Variants in BLTP1 observed in about 807,000 individuals in gnomAD.
BLTP1 encodes the protein bridge-like lipid transfer protein family member 1.
At chr4:122,212,416 A>G in the BLTP1 span, among the ~76,000 whole-genome samples, 3 of 152,186 alleles carry the variant, frequency 2.0e-5, no homozygotes, top group African/African-American at 7.2e-5. Flanking sequence ...GTGAATAACT[A>G]TAAAGGATTT....
chr4:122,308,157 A>G, the BLTP1 span: 2 of 1,612,960 alleles, frequency 1.2e-6, no homozygotes, highest in South Asian at 1.1e-5. Context: ...CAAATACTGC[A>G]CAGGTACAAA....
chr4:122,330,305 T>C, the BLTP1 span, among the ~76,000 whole-genome samples: 1 of 151,850 alleles, frequency 6.6e-6, no homozygotes, highest in African/African-American at 2.4e-5. Flanking sequence ...ATCTCCATAC[T>C]ATTTTCCCTA....
chr4:122,259,876 A>G, the BLTP1 span: 1 of 921,184 alleles, frequency 1.1e-6, no homozygotes. Context: ...AAAAATTTTA[A>G]CTTTCTTTGA....
chr4:122,212,788 G>T, the BLTP1 span, among the ~76,000 whole-genome samples: 7 of 152,028 alleles, frequency 4.6e-5, no homozygotes, highest in Non-Finnish European at 8.8e-5. Context: ...TGCATTAAAG[G>T]CTTTAAAGCA....
chr4:122,226,746 C>T, the BLTP1 span: 1 of 1,613,374 alleles, frequency 6.2e-7, no homozygotes, highest in South Asian at 1.1e-5. Context: ...ATTTGTTTTT[C>T]ATGTGGTATG....
chr4:122,349,883 A>C, the BLTP1 span: 2 of 1,613,590 alleles, frequency 1.2e-6, no homozygotes, highest in Non-Finnish European at 1.7e-6. This position sits in a 1 kb window ranked among gnomAD's most constrained non-coding sequence, Gnocchi z 4.5. Flanking sequence ...GGAGATTTGA[A>C]GTGGGATATT....
the BLTP1 span, among the ~76,000 whole-genome samples, chr4:122,310,498 G>C: frequency 6.6e-6 from 1 of 152,110 alleles, no homozygotes; most frequent in East Asian, 1.9e-4. Flanking sequence ...TAGGTTTGAT[G>C]AAGAGTAGAG....
At chr4:122,244,678 TGCAAAAG>T in the BLTP1 span, 4 of 966,940 alleles carry the variant, frequency 4.1e-6, no homozygotes, top group Non-Finnish European at 4.9e-6. Flanking sequence ...TTCCTTTTCC[TGCAAAAG>T]CACATAATTT....
At chr4:122,298,867 T>G in the BLTP1 span, 1 of 985,282 alleles carries the variant, frequency 1.0e-6, no homozygotes, top group Non-Finnish European at 1.2e-6. Flanking sequence ...AAAGACACAT[T>G]TATTTGCTGA....
the BLTP1 span, chr4:122,346,750 A>G: frequency 4.4e-6 from 7 of 1,608,996 alleles, no homozygotes; most frequent in African/African-American, 8.0e-5. Flanking sequence ...ACCAAACTAT[A>G]AATTTGCCAA....
At chr4:122,336,783 C>A in the BLTP1 span, 6 of 1,325,890 alleles carry the variant, frequency 4.5e-6, no homozygotes, top group African/African-American at 3.0e-5. Flanking sequence ...TCCGGGTGTT[C>A]ATACCTTTCA....
chr4:122,272,150 A>G, the BLTP1 span: 1 of 1,599,924 alleles, frequency 6.3e-7, no homozygotes, highest in Non-Finnish European at 8.5e-7. Context: ...ATTTTCATTT[A>G]CTTATAAAGG....
chr4:122,263,370 A>AG, the BLTP1 span: 1 of 1,449,892 alleles, frequency 6.9e-7, no homozygotes. Flanking sequence ...CTTCAAATAT[A>AG]GGTATATAAA....
the BLTP1 span, chr4:122,328,462 C>A: frequency 1.9e-6 from 2 of 1,046,178 alleles, no homozygotes; most frequent in Non-Finnish European, 2.7e-6. Flanking sequence ...TTTTAATGTG[C>A]CTCGCTTGAG....
At chr4:122,348,096 C>A in the BLTP1 span, among the ~76,000 whole-genome samples, 3 of 151,938 alleles carry the variant, frequency 2.0e-5, no homozygotes, top group Non-Finnish European at 4.4e-5. Context: ...ATGTAGTTCT[C>A]GTCAAAAGAT....
the BLTP1 span, among the ~76,000 whole-genome samples, chr4:122,257,868 A>G: frequency 1.3e-5 from 2 of 152,240 alleles, no homozygotes; most frequent in Non-Finnish European, 2.9e-5. Context: ...TGTGAAATAC[A>G]GTAGACTTCT....
the BLTP1 span, among the ~76,000 whole-genome samples, chr4:122,293,963 G>C: frequency 2.0e-5 from 3 of 152,158 alleles, no homozygotes; most frequent in Non-Finnish European, 4.4e-5. Flanking sequence ...TGGCCAGACT[G>C]CTTCTTTAAG....
the BLTP1 span, chr4:122,261,315 T>C: frequency 1.0e-6 from 1 of 985,152 alleles, no homozygotes; most frequent in Non-Finnish European, 1.2e-6. Context: ...TTTAGGTGTT[T>C]TCCTGTTAAA....
At chr4:122,283,740 C>T in the BLTP1 span, among the ~76,000 whole-genome samples, 2 of 152,116 alleles carry the variant, frequency 1.3e-5, no homozygotes, top group Admixed American at 6.5e-5. Context: ...GAACTCCTGG[C>T]CTCAAGCGAT....
Sources: gnomAD v4.1 joint callset for allele counts (sites outside exome capture counted in the v4.1 genomes callset) on GRCh38, gnomAD v4.1.1 for gene constraint, Gnocchi (gnomAD v3.1) non-coding constraint, MANE v1.5 for transcripts, NCBI Gene and HGNC (gene_info 2026-07-23, HGNC 2026-07-21) for gene names.